Variants in C9orf153 observed in about 807,000 individuals in gnomAD.
The protein encoded by C9orf153 is chromosome 9 open reading frame 153.
Under a neutral mutation model 9.0 loss-of-function variants are expected in C9orf153, and 10 were observed. The observed-to-expected ratio is 1.11, with a 90% CI of 0.69 to 1.89. The LOEUF is 1.89. C9orf153 is among the 40% of genes most tolerant of loss of function. The pLI, the probability that C9orf153 is intolerant of heterozygous loss-of-function variation, is 0.00. For missense variants in C9orf153, 108 were observed against 111.0 expected (o/e 0.97, Z 0.12); for synonymous variants, 35 against 37.3 (o/e 0.94, Z 0.23).
chr9:86,230,912 T>G (rs540558520), intron 1 of C9orf153, among the ~76,000 whole-genome samples: 2 of 152,334 alleles, frequency 1.3e-5, no homozygotes, highest in South Asian at 4.1e-4. Context: ...TGGGCTGGCC[T>G]ATGCTTGGCT....
intron 1 of C9orf153, among the ~76,000 whole-genome samples, chr9:86,254,103 A>C (rs969658959): frequency 4.6e-5 from 7 of 152,012 alleles, no homozygotes; most frequent in African/African-American, 9.7e-5. Context: ...AAAAAAAAAA[A>C]AAAAAAAGAC....
chr9:86,243,776 G>T (rs1003073376), intron 1 of C9orf153, among the ~76,000 whole-genome samples: 1 of 152,280 alleles, frequency 6.6e-6, no homozygotes, highest in Middle Eastern at 3.4e-3. Context: ...CTCACAGACA[G>T]TTGCTTTGCA....
chr9:86,223,910 G>C (rs764432072), intron 3 of C9orf153, among the ~76,000 whole-genome samples: 4 of 152,172 alleles, frequency 2.6e-5, no homozygotes, highest in Non-Finnish European at 4.4e-5. Flanking sequence ...ACCAGAGACA[G>C]AGTAGGGAGT....
At chr9:86,230,278 T>C (rs12336822) in intron 1 of C9orf153, among the ~76,000 whole-genome samples, 34,509 of 152,248 alleles carry the variant, frequency 0.23, 4,220 homozygotes, top group African/African-American at 0.32. Context: ...ACAAATCCTA[T>C]ATGGATGGTT....
chr9:86,237,231 A>C (rs1824616694), intron 1 of C9orf153, among the ~76,000 whole-genome samples: 1 of 152,218 alleles, frequency 6.6e-6, no homozygotes, highest in Admixed American at 6.5e-5. Flanking sequence ...AAAATGGCCT[A>C]TTAAAACTAC....
intron 1 of C9orf153, among the ~76,000 whole-genome samples, chr9:86,233,125 A>T (rs1824507612): frequency 6.6e-6 from 1 of 151,590 alleles, no homozygotes; most frequent in African/African-American, 2.4e-5. Context: ...GCTTCCTATC[A>T]TTCTCTTATC....
chr9:86,250,940 T>C (rs899085985), intron 1 of C9orf153, among the ~76,000 whole-genome samples: 2 of 152,192 alleles, frequency 1.3e-5, no homozygotes, highest in African/African-American at 4.8e-5. Flanking sequence ...TGGAGTGAAG[T>C]GGCTATTCAC....
At chr9:86,229,375 G>A (rs1215314057) in intron 2 of C9orf153, among the ~76,000 whole-genome samples, 163 bp downstream of exon 2, 1 of 152,076 alleles carries the variant, frequency 6.6e-6, no homozygotes, top group Non-Finnish European at 1.5e-5. Flanking sequence ...CCTGGGAAGA[G>A]CTACACTTCT....
chr9:86,246,362 C>T (rs1266482691), intron 1 of C9orf153, among the ~76,000 whole-genome samples: 2 of 152,086 alleles, frequency 1.3e-5, no homozygotes, highest in South Asian at 2.1e-4. Flanking sequence ...AAAAGTGAAA[C>T]CTTCTGCAGT....
At chr9:86,222,555 G>A (rs542513222) in intron 3 of C9orf153, among the ~76,000 whole-genome samples, 1 of 152,180 alleles carries the variant, frequency 6.6e-6, no homozygotes, top group South Asian at 2.1e-4. Flanking sequence ...CAAGCTTGAG[G>A]TGTCATTAGC....
chr9:86,245,257 T>C (rs1824840639), intron 1 of C9orf153, among the ~76,000 whole-genome samples: 2 of 152,214 alleles, frequency 1.3e-5, no homozygotes, highest in South Asian at 2.1e-4. Context: ...TTATTTTTAA[T>C]TGTGGTAAAA....
chr9:86,258,642 C>T (rs1027581205), intron 1 of C9orf153: 1 of 152,220 alleles, frequency 6.6e-6, no homozygotes, highest in Non-Finnish European at 1.5e-5. Context: ...ATCACCCTCA[C>T]ATCCGGAAAT....
At chr9:86,227,498 G>A in intron 3 of C9orf153, 1 of 1,374,760 alleles carries the variant, frequency 7.3e-7, no homozygotes, top group East Asian at 2.6e-5. Context: ...TTTGCAATGA[G>A]ATTTCCATTC....
At chr9:86,221,769 G>A in intron 3 of C9orf153, 36 bp from the exon 4 acceptor site, 2 of 1,410,768 alleles carry the variant, frequency 1.4e-6, no homozygotes, top group Non-Finnish European at 9.8e-7. Flanking sequence ...ATCACATGGT[G>A]TTGTTACTCA....
chr9:86,249,968 C>T (rs1167920680), intron 1 of C9orf153, among the ~76,000 whole-genome samples: 1 of 152,156 alleles, frequency 6.6e-6, no homozygotes, highest in Non-Finnish European at 1.5e-5. Flanking sequence ...GATTACCCTA[C>T]CACTCAATGG....
intron 1 of C9orf153, among the ~76,000 whole-genome samples, chr9:86,242,195 GC>G (rs1824760170): frequency 6.6e-6 from 1 of 152,116 alleles, no homozygotes; most frequent in Admixed American, 6.6e-5. Flanking sequence ...AGAAGGACCA[GC>G]CGGGGCAAAG....
intron 1 of C9orf153, among the ~76,000 whole-genome samples, chr9:86,236,110 A>G (rs1226296278): frequency 2.6e-5 from 4 of 152,194 alleles, no homozygotes; most frequent in African/African-American, 9.7e-5. Context: ...ATTATTTGCT[A>G]TAAATAGCAA....
At chr9:86,255,692 CTG>C (rs1344472635) in intron 1 of C9orf153, among the ~76,000 whole-genome samples, 1 of 152,204 alleles carries the variant, frequency 6.6e-6, no homozygotes, top group African/African-American at 2.4e-5. Flanking sequence ...ATGTAAGCTT[CTG>C]TAACCCACTG....
chr9:86,236,880 C>T lies in C9orf153; in HGVS notation c.-26-7251G>A, dbSNP rs373026153. On this transcript the variant is annotated intron_variant, in intron 1 of 3. Coordinates refer to ENST00000339137, the MANE Select transcript of C9orf153 (RefSeq NM_001276366.4). ...CTTTGGGAGGCTGAGGCAGGAGGAT[C>T]GTTTGAACCTAGGAGTTTGAGGCCA... Among the ~76,000 whole-genome samples, 188 of 149,340 alleles carry T rather than the reference C, an allele frequency of 1.3e-3. 1 individual carries two copies. Among genetic ancestry groups the T allele is most frequent in the East Asian group, 6.1e-3 (31 of 5,114 alleles).
Sources: gnomAD v4.1 joint callset for allele counts (sites outside exome capture counted in the v4.1 genomes callset) on GRCh38, gnomAD v4.1.1 for gene constraint, MANE v1.5 for transcripts, NCBI Gene and HGNC (gene_info 2026-07-23, HGNC 2026-07-21) for gene names.